SLC48A1: variants seen among roughly 807,000 people sequenced by gnomAD.
SLC48A1 encodes the protein heme transporter HRG1.
Under a neutral mutation model 14.8 loss-of-function variants are expected in SLC48A1, and 6 were observed. The observed-to-expected ratio is 0.41, with a 90% confidence interval of 0.22 to 0.80. The LOEUF is 0.80. Among genes scored for constraint, SLC48A1 ranks in the 30% least tolerant of loss-of-function variants. The pLI is 0.34. For missense variants in SLC48A1, 165 were observed against 204.8 expected (o/e 0.81, Z 1.19); for synonymous variants, 89 against 90.0 (o/e 0.99, Z 0.06).
intron 1 of SLC48A1, 51 bp downstream of exon 1, chr12:47,773,491 G>T (rs1430046576): frequency 7.8e-7 from 1 of 1,284,386 alleles, no homozygotes; most frequent in African/African-American, 1.6e-5. Context: ...TGCGGGGCGG[G>T]CGCCGTCAGC....
upstream of SLC48A1, chr12:47,772,341 GT>G (rs1365989846): frequency 6.5e-6 from 1 of 154,748 alleles, no homozygotes. Context: ...GAGGGTCAGG[GT>G]GAGGGGTTTG....
At chr12:47,773,780 C>T (rs1942679585) in intron 1 of SLC48A1, among the ~76,000 whole-genome samples, 1 of 152,188 alleles carries the variant, frequency 6.6e-6, no homozygotes, top group African/African-American at 2.4e-5. Flanking sequence ...CCTCCGCGCG[C>T]CCGCGGCGCT....
chr12:47,756,003 A>C (rs1355617588), upstream of SLC48A1: 1 of 152,262 alleles, frequency 6.6e-6, no homozygotes, highest in Non-Finnish European at 1.5e-5. Flanking sequence ...AAAGTTGGTC[A>C]TCAGAAGAGG....
At chr12:47,757,735 T>C, upstream of SLC48A1, 1 of 838,758 alleles carries the variant, frequency 1.2e-6, no homozygotes, top group Non-Finnish European at 1.8e-6. Flanking sequence ...CCTGACCCAG[T>C]GTCCACGGCA....
chr12:47,758,477 C>A, upstream of SLC48A1: 1 of 1,591,408 alleles, frequency 6.3e-7, no homozygotes, highest in Non-Finnish European at 8.6e-7. Context: ...CTCTCCCACC[C>A]AAACTCCCCA....
intron 2 of SLC48A1, among the ~76,000 whole-genome samples, chr12:47,765,076 CAAAAAAAAAAAAAAAAAAAAAAAAAA>C (rs750174911): frequency 1.6e-4 from 6 of 38,196 alleles, no homozygotes; most frequent in Admixed American, 7.0e-4. Context: ...GACTCTGTCT[CAAAAAAAAAAAAAAAAAAAAAAAAAA>C]AAAAAAAAAA....
Position 47,773,413 on chromosome 12 carries a change from G to T in SLC48A1, c.109G>T (p.Gly37Trp). 1 of 1,446,636 alleles carries T rather than the reference G, an allele frequency of 6.9e-7. No individual in the cohort carries two copies. The highest frequency in any genetic ancestry group is 9.1e-7 in the Non-Finnish European group (1 of 1,093,826). 89.6% of individuals were successfully genotyped at this position (1,446,636 alleles called of 1,614,324 possible). ...CTGGACGGTGGTCTACCGACAGCCG[G>T]GGACCGCGGCCATGGGAGGGCTCGC... ...LVWTVVYRQP[G>W]TAAMGGLAGV... The change falls in exon 1 of 3, where the codon GGG becomes TGG. Residue 37 changes from glycine (G) to tryptophan (W), a missense_variant. Coordinates refer to ENST00000442218, the MANE Select transcript of SLC48A1 (RefSeq NM_017842.3).
chr12:47,775,517 G>A (rs1942731671), intron 1 of SLC48A1, among the ~76,000 whole-genome samples: 1 of 152,232 alleles, frequency 6.6e-6, no homozygotes, highest in Admixed American at 6.5e-5. Flanking sequence ...AGGGAGAGGG[G>A]TTGCCAAGCC....
At position 47,782,276 on chromosome 12, in the gene SLC48A1, G is replaced by A. The variant is rs1942901780; in HGVS notation, c.*1995G>A. ...AGAGCGGGAAGGAGCCATCAACAGT[G>A]TATACTTCTGGAGCCTTCTACTGAT... On this transcript the variant is annotated 3_prime_UTR_variant, in exon 3 of 3. Coordinates refer to ENST00000442218, the MANE Select transcript of SLC48A1 (RefSeq NM_017842.3). 1 of 152,292 alleles carries A rather than the reference G, an allele frequency of 6.6e-6. No homozygotes were observed. The highest frequency in any genetic ancestry group is 1.5e-5 in the Non-Finnish European group (1 of 68,080). 9.4% of individuals were successfully genotyped at this position (152,292 alleles called of 1,614,324 possible).
At position 47,780,870 on chromosome 12, in the gene SLC48A1, A is replaced by G. The variant is rs777243179; in HGVS notation, c.*589A>G. ...GTGTGAGCCACCGTGCCCGGCCTGG[A>G]TCTGTTTTCTTAGCACGCAGTGAGG... On this transcript the variant is annotated 3_prime_UTR_variant, in exon 3 of 3. Coordinates refer to ENST00000442218, the MANE Select transcript of SLC48A1 (RefSeq NM_017842.3). 1 of 531,330 alleles carries G rather than the reference A, an allele frequency of 1.9e-6. No individual in the cohort carries two copies. The highest frequency in any genetic ancestry group is 1.9e-5 in the Admixed American group (1 of 51,466). 32.9% of individuals were successfully genotyped at this position (531,330 alleles called of 1,614,324 possible). A position where few individuals can be genotyped will look rare whatever the true frequency, so the allele number is the denominator to read the frequency against.
upstream of SLC48A1, chr12:47,771,135 AT>A (rs775933772): frequency 6.9e-6 from 2 of 288,422 alleles, no homozygotes; most frequent in South Asian, 3.1e-5. Context: ...GGCTGGGTTT[AT>A]TTTTTTATTT....
chr12:47,773,350 G>A lies in SLC48A1; in HGVS notation c.46G>A (p.Gly16Ser), dbSNP rs1305637042. The A allele has an allele frequency of 2.7e-6, 4 of 1,475,474 alleles. No homozygotes were observed. The highest frequency in any genetic ancestry group is 1.5e-5 in the African/African-American group (1 of 67,798). 91.4% of individuals were successfully genotyped at this position (1,475,474 alleles called of 1,614,324 possible). ...GCTCGGCCTCCGCGCCGCCTACTCCGGCATCAGCTCCGTGGCCGGCTTCTC... is the reference window on the plus strand; with the variant it reads ...GCTCGGCCTCCGCGCCGCCTACTCCAGCATCAGCTCCGTGGCCGGCTTCTC... ...LQLGLRAAYS[G>S]ISSVAGFSIF... The change falls in exon 1 of 3, where the codon GGC becomes AGC. Residue 16 changes from glycine to serine, a missense_variant. Transcript: ENST00000442218.
chr12:47,757,995 G>A, upstream of SLC48A1: 1 of 1,573,214 alleles, frequency 6.4e-7, no homozygotes. Flanking sequence ...CGTCAGGGAG[G>A]GCTCCCACCC....
chr12:47,776,082 C>T (rs1942745715), intron 1 of SLC48A1, among the ~76,000 whole-genome samples: 1 of 152,238 alleles, frequency 6.6e-6, no homozygotes, highest in Non-Finnish European at 1.5e-5. Context: ...GGCTCCAGGA[C>T]TGTCTTCCTC....
upstream of SLC48A1, chr12:47,758,505 C>A (rs1942239416): frequency 1.2e-6 from 2 of 1,604,888 alleles, no homozygotes; most frequent in Non-Finnish European, 1.7e-6. Flanking sequence ...AGCTTCCTCT[C>A]CCGCCCTCTC....
upstream of SLC48A1, among the ~76,000 whole-genome samples, chr12:47,754,193 A>G (rs1016705323): frequency 6.6e-6 from 1 of 152,264 alleles, no homozygotes; most frequent in African/African-American, 2.4e-5. Flanking sequence ...TCCAAAGGCC[A>G]TGCTCTTAGC....
At chr12:47,770,304 T>G (rs1388845738), upstream of SLC48A1, among the ~76,000 whole-genome samples, 3 of 152,256 alleles carry the variant, frequency 2.0e-5, no homozygotes, top group Non-Finnish European at 4.4e-5. Flanking sequence ...ATATGTCCAC[T>G]CATAATATTT....
exon 2 of SLC48A1, chr12:47,760,327 G>A (rs192564363): frequency 2.6e-4 from 254 of 985,432 alleles, no homozygotes; most frequent in Non-Finnish European, 1.8e-4. Context: ...TCCATTCAAC[G>A]GAGTTCTGGT....
chr12:47,773,181 C>A, upstream of SLC48A1: 1 of 990,038 alleles, frequency 1.0e-6, no homozygotes, highest in Non-Finnish European at 1.2e-6. Flanking sequence ...TGGGGGCGGG[C>A]CGGGGGCGGA....
Sources: gnomAD v4.1 joint callset for allele counts (sites outside exome capture counted in the v4.1 genomes callset) on GRCh38, gnomAD v4.1.1 for gene constraint, MANE v1.5 for transcripts, NCBI Gene and HGNC (gene_info 2026-07-23, HGNC 2026-07-21) for gene names.